TENM4: variants seen among roughly 807,000 people sequenced by gnomAD.
The protein encoded by TENM4 is teneurin transmembrane protein 4.
TENM4 carries 82 observed loss-of-function variants against 243.3 expected under a neutral mutation model. That is an observed-to-expected ratio of 0.34 (90% CI 0.28 to 0.40). The LOEUF (loss-of-function observed/expected upper bound fraction) is 0.40. Ranked by LOEUF, TENM4 falls within the 10% of genes least tolerant of loss-of-function variation. TENM4 has a pLI of 1.00. For synonymous variants in TENM4, 1,412 were observed against 1,456.3 expected (o/e 0.97, Z 0.69); for missense variants, 3,138 against 3,673.3 (o/e 0.85, Z 3.77).
At chr11:79,176,075 G>A (rs754792719) in intron 3 of TENM4, among the ~76,000 whole-genome samples, 1 of 152,196 alleles carries the variant, frequency 6.6e-6, no homozygotes, top group Non-Finnish European at 1.5e-5. Flanking sequence ...CTGGGTGACA[G>A]AGGAAGACCC....
At chr11:78,726,442 G>C (rs758893614) in intron 22 of TENM4, among the ~76,000 whole-genome samples, 8 of 152,170 alleles carry the variant, frequency 5.3e-5, no homozygotes, top group African/African-American at 9.7e-5. Context: ...TTGGGGAAAA[G>C]TTAAAATAAA....
Position 79,388,193 on chromosome 11 carries a change from C to A in TENM4, c.-321+52316G>T, listed in dbSNP as rs200104205. Among the ~76,000 whole-genome samples the A allele has an allele frequency of 1.2e-3, 179 of 152,222 alleles. 8 individuals are homozygous for A. In the South Asian group the frequency reaches 0.035, roughly 30 times the overall value. On this transcript the variant is annotated intron_variant, in intron 1 of 33. Coordinates refer to ENST00000278550, the MANE Select transcript of TENM4 (RefSeq NM_001098816.3). ...AGAGATGTGAGTTCAACACAAGGAT[C>A]GACCCCAGAGCAAGGCTGGTTCAGA...
intron 3 of TENM4, among the ~76,000 whole-genome samples, chr11:79,152,297 G>A (rs1028401547): frequency 6.6e-6 from 1 of 152,148 alleles, no homozygotes; most frequent in Admixed American, 6.5e-5. Context: ...GAGAGTTAGA[G>A]CTTTGAAGAT....
chr11:78,979,212 G>C (rs1857735316), intron 6 of TENM4, among the ~76,000 whole-genome samples: 1 of 152,136 alleles, frequency 6.6e-6, no homozygotes, highest in African/African-American at 2.4e-5. Flanking sequence ...GGGGTGTCCT[G>C]CCACTGAAAT....
At chr11:78,832,305 A>G (rs1038535226) in intron 12 of TENM4, among the ~76,000 whole-genome samples, 1 of 152,204 alleles carries the variant, frequency 6.6e-6, no homozygotes. Context: ...TGTGCCATAT[A>G]GTACTCCCCC....
chr11:79,055,858 AC>A (rs1316059136), intron 6 of TENM4, among the ~76,000 whole-genome samples: 2 of 152,158 alleles, frequency 1.3e-5, no homozygotes, highest in Non-Finnish European at 2.9e-5. Context: ...GATTCCACTG[AC>A]CTTTTTCGGC....
chr11:79,364,941 C>T (rs7479495), intron 1 of TENM4, among the ~76,000 whole-genome samples: 1 of 152,106 alleles, frequency 6.6e-6, no homozygotes, highest in Admixed American at 6.5e-5. Context: ...ATTGCTTTTT[C>T]TTTAAAATTT....
chr11:79,006,361 C>G (rs1252428725), intron 6 of TENM4, among the ~76,000 whole-genome samples: 1 of 152,114 alleles, frequency 6.6e-6, no homozygotes, highest in Non-Finnish European at 1.5e-5. Flanking sequence ...ATTTTCATGA[C>G]CCCAAACACA....
At chr11:78,822,430 C>A (rs1167038977) in intron 12 of TENM4, among the ~76,000 whole-genome samples, 2 of 152,226 alleles carry the variant, frequency 1.3e-5, no homozygotes, top group Non-Finnish European at 2.9e-5. Context: ...TCAGGTCTAA[C>A]CTCCTGTGAT....
intron 1 of TENM4, among the ~76,000 whole-genome samples, chr11:79,383,214 G>A (rs141891030): frequency 2.6e-5 from 4 of 152,276 alleles, no homozygotes; most frequent in African/African-American, 4.8e-5. Context: ...CCTTGCCTCC[G>A]CCTTGCTTCA....
At chr11:79,178,613 G>A (rs1863219031) in intron 3 of TENM4, among the ~76,000 whole-genome samples, 1 of 152,184 alleles carries the variant, frequency 6.6e-6, no homozygotes, top group Non-Finnish European at 1.5e-5. Flanking sequence ...GACTGAGCAA[G>A]GACCACTGCA....
At chr11:78,875,484 G>A (rs1387472345) in intron 9 of TENM4, among the ~76,000 whole-genome samples, 2 of 152,192 alleles carry the variant, frequency 1.3e-5, no homozygotes, top group Admixed American at 6.5e-5. Context: ...GATTACAGGT[G>A]TAAGCCACTG....
chr11:79,275,755 G>A (rs533797637), intron 2 of TENM4, among the ~76,000 whole-genome samples: 1 of 152,322 alleles, frequency 6.6e-6, no homozygotes, highest in African/African-American at 2.4e-5. Context: ...CAGACCCAGG[G>A]CCATCATAGT....
At chr11:79,418,217 T>G (rs1473052383) in intron 1 of TENM4, among the ~76,000 whole-genome samples, 1 of 152,178 alleles carries the variant, frequency 6.6e-6, no homozygotes, top group Admixed American at 6.5e-5. Context: ...ATCTGACCAA[T>G]GGCTACCCTA....
intron 1 of TENM4, among the ~76,000 whole-genome samples, chr11:79,431,132 C>T (rs1859160118): frequency 6.6e-6 from 1 of 152,172 alleles, no homozygotes; most frequent in Non-Finnish European, 1.5e-5. Context: ...ATCAAAAATT[C>T]TATTAATTCA....
intron 12 of TENM4, among the ~76,000 whole-genome samples, chr11:78,819,702 C>A (rs896477348): frequency 1.3e-5 from 2 of 152,216 alleles, no homozygotes; most frequent in Non-Finnish European, 2.9e-5. Flanking sequence ...CTGCTCACCC[C>A]ACACTTTATC....
chr11:79,050,189 T>C (rs1218944834), intron 6 of TENM4, among the ~76,000 whole-genome samples: 1 of 152,206 alleles, frequency 6.6e-6, no homozygotes, highest in Non-Finnish European at 1.5e-5. Context: ...ACTCCCTAAA[T>C]GTGAATAATA....
intron 1 of TENM4, among the ~76,000 whole-genome samples, chr11:79,431,591 C>T (rs1248400535): frequency 6.6e-6 from 1 of 152,212 alleles, no homozygotes; most frequent in Admixed American, 6.5e-5. Context: ...GTACCTGTCT[C>T]CCAGCACCCT....
intron 12 of TENM4, among the ~76,000 whole-genome samples, chr11:78,818,605 G>A (rs1256981735): frequency 6.6e-6 from 1 of 152,138 alleles, no homozygotes; most frequent in African/African-American, 2.4e-5. Flanking sequence ...ACAACTTGAG[G>A]TTCAGTTAGG....
Sources: allele counts gnomAD v4.1 joint callset (sites outside exome capture counted in the v4.1 genomes callset), GRCh38; gene constraint gnomAD v4.1.1; transcripts MANE v1.5; gene names NCBI Gene and HGNC (gene_info 2026-07-23, HGNC 2026-07-21).